TBL1XR1: variants seen among roughly 807,000 people sequenced by gnomAD.
The protein encoded by TBL1XR1 is F-box-like/WD repeat-containing protein TBL1XR1.
In TBL1XR1, 5 loss-of-function variants were observed where a neutral mutation model predicts 66.9. That is an observed-to-expected ratio of 0.07 (90% CI 0.04 to 0.16). The LOEUF (loss-of-function observed/expected upper bound fraction) is 0.16. TBL1XR1 is among the 10% of genes least tolerant of loss of function. TBL1XR1 has a pLI of 1.00. For synonymous variants in TBL1XR1, 210 were observed against 206.0 expected (o/e 1.02, Z -0.17); for missense variants, 238 against 623.2 (o/e 0.38, Z 6.58).
At chr3:177,115,353 G>A (rs1170113472) in intron 1 of TBL1XR1, among the ~76,000 whole-genome samples, 2 of 152,146 alleles carry the variant, frequency 1.3e-5, no homozygotes, top group African/African-American at 4.8e-5. Context: ...GTATTTATAA[G>A]AGAGACTGAA....
rs377584529 is a variant in TBL1XR1 at position 177,063,000 on chromosome 3, G to A, written c.58+1920C>T. 1.1e-4 allele frequency among the ~76,000 whole-genome samples: 16 copies of A among 152,050 alleles called. 1 individual carries two copies. In the East Asian group the frequency reaches 2.3e-3, roughly 22 times the overall value. ...AAATACAAAATTAGCCAGGCATGGT[G>A]GTGCATGCCTAGAATCCCAGCTACT... On this transcript the variant is annotated intron_variant, in intron 3 of 15. Transcript: ENST00000457928.
chr3:177,043,394 T>C (rs1715870831), intron 10 of TBL1XR1, among the ~76,000 whole-genome samples: 2 of 152,180 alleles, frequency 1.3e-5, no homozygotes, highest in Non-Finnish European at 2.9e-5. Flanking sequence ...ACTGTTTATC[T>C]TGTATTAATA....
Position 177,019,724 on chromosome 3 carries a change from G to C in TBL1XR1, c.*5774C>G, listed in dbSNP as rs562742306. 2 of 152,136 alleles carry C rather than the reference G, an allele frequency of 1.3e-5. No homozygotes were observed. Among genetic ancestry groups the C allele is most frequent in the African/African-American group, 4.8e-5 (2 of 41,530 alleles). 9.4% of individuals were successfully genotyped at this position (152,136 alleles called of 1,614,324 possible). ...ATTAAAAATAATCCCTTCTATTACT[G>C]TTCAAATTAGTTTCAGCTTTCCCTC... On this transcript the variant is annotated 3_prime_UTR_variant, in exon 16 of 16. Coordinates refer to ENST00000457928, the MANE Select transcript of TBL1XR1 (RefSeq NM_024665.7).
intron 2 of TBL1XR1, among the ~76,000 whole-genome samples, chr3:177,075,517 A>C (rs1410726849): frequency 6.6e-6 from 1 of 152,200 alleles, no homozygotes; most frequent in African/African-American, 2.4e-5. Context: ...TTCCCTACTA[A>C]TCAGTATAGT....
chr3:177,162,864 C>A (rs11925990), intron 1 of TBL1XR1, among the ~76,000 whole-genome samples: 75,808 of 152,052 alleles, frequency 0.5, 19,727 homozygotes, highest in Non-Finnish European at 0.57. Context: ...AAAGTAATAT[C>A]TTCACTAGCA....
rs1712853942 is a variant in TBL1XR1, at chr3:177,024,714, A to AAAAAAAAAAAAAAG, written c.*783_*784insCTTTTTTTTTTTTT. ...GCCACATCACCAAAAAACAAAAAAG[A>AAAAAAAAAAAAAAG]AAAAAAAAAAAAAAAAGCAAAACAA... is the stretch of plus-strand genomic sequence containing the variant. On this transcript the variant is annotated 3_prime_UTR_variant, in exon 16 of 16. Transcript: ENST00000457928. 1 of 76,954 alleles carries AAAAAAAAAAAAAAG rather than the reference A, an allele frequency of 1.3e-5. No individual in the cohort carries two copies. The highest frequency in any genetic ancestry group is 5.4e-5 in the African/African-American group (1 of 18,398). The allele number at this position is 76,954 out of a possible 1,614,324, so 4.8% of individuals were successfully genotyped here.
At chr3:177,163,700 T>C (rs1206360555) in intron 1 of TBL1XR1, among the ~76,000 whole-genome samples, 1 of 152,028 alleles carries the variant, frequency 6.6e-6, no homozygotes, top group Non-Finnish European at 1.5e-5. Context: ...CAAAGAAAAC[T>C]GATGACAGTG....
chr3:177,170,619 T>C (rs1733347905), intron 1 of TBL1XR1, among the ~76,000 whole-genome samples: 1 of 152,166 alleles, frequency 6.6e-6, no homozygotes, highest in Non-Finnish European at 1.5e-5. Context: ...TATTCTAAAG[T>C]CCTTGAGATC....
chr3:177,097,968 A>G (rs1183149117), intron 2 of TBL1XR1, among the ~76,000 whole-genome samples: 2 of 152,190 alleles, frequency 1.3e-5, no homozygotes, highest in Non-Finnish European at 2.9e-5. Context: ...GCACTTTGGG[A>G]AGCTCAGGTG....
chr3:177,055,730 T>C (rs976085188), intron 3 of TBL1XR1, among the ~76,000 whole-genome samples: 2 of 152,112 alleles, frequency 1.3e-5, no homozygotes, highest in East Asian at 1.9e-4. Flanking sequence ...AGCAGTGAGG[T>C]TGGAGATTCC....
Position 177,062,494 on chromosome 3 carries a change from T to C in TBL1XR1, c.58+2426A>G, listed in dbSNP as rs375623647. Among the ~76,000 whole-genome samples, 9 of 152,314 alleles carry C rather than the reference T, an allele frequency of 5.9e-5. No individual in the cohort carries two copies. In the East Asian group the frequency reaches 1.7e-3, roughly 29 times the overall value. ...ATTCTTAACATAAGCAGTTCTTAAA[T>C]TTATGGCAAGTTGCAGTCCTGGGAA... On this transcript the variant is annotated intron_variant, in intron 3 of 15. Transcript: ENST00000457928.
chr3:177,031,183 A>T (rs913808414), intron 14 of TBL1XR1, among the ~76,000 whole-genome samples: 1 of 152,328 alleles, frequency 6.6e-6, no homozygotes, highest in South Asian at 2.1e-4. Flanking sequence ...ACAAACACAA[A>T]GTTAAACTAA....
At chr3:177,052,345 T>C (rs745308931) in intron 4 of TBL1XR1, among the ~76,000 whole-genome samples, 6 of 152,130 alleles carry the variant, frequency 3.9e-5, no homozygotes, top group Non-Finnish European at 8.8e-5. Flanking sequence ...ATACAAACAG[T>C]ACAAATTAGC....
At chr3:177,044,967 G>C (rs1399135791) in intron 10 of TBL1XR1, 1 of 152,134 alleles carries the variant, frequency 6.6e-6, no homozygotes. Context: ...AAGCAAAGAT[G>C]AAAAGGAAGC....
At chr3:177,032,412 G>C (rs1714130817) in intron 14 of TBL1XR1, 1 of 152,222 alleles carries the variant, frequency 6.6e-6, no homozygotes, top group Admixed American at 6.5e-5. Flanking sequence ...CGATAACTGA[G>C]AGGGGTGAGT....
At chr3:177,159,610 T>A (rs1053293780) in intron 1 of TBL1XR1, among the ~76,000 whole-genome samples, 5 of 152,124 alleles carry the variant, frequency 3.3e-5, no homozygotes, top group African/African-American at 1.2e-4. Flanking sequence ...TAGCACCCCT[T>A]TGAAGCACTA....
intron 2 of TBL1XR1, among the ~76,000 whole-genome samples, chr3:177,087,226 T>TA (rs1722249022): frequency 8.5e-6 from 1 of 118,130 alleles, no homozygotes; most frequent in African/African-American, 3.4e-5. Context: ...ACTTTTTTAT[T>TA]TAAAAAAAAA....
chr3:177,087,217 C>T (rs1722244950), intron 2 of TBL1XR1, among the ~76,000 whole-genome samples: 1 of 120,264 alleles, frequency 8.3e-6, no homozygotes, highest in Admixed American at 8.9e-5. Context: ...TTTTTACTTA[C>T]TTTTTTATTT....
chr3:177,052,286 G>A (rs1717198753), intron 4 of TBL1XR1, among the ~76,000 whole-genome samples: 1 of 152,166 alleles, frequency 6.6e-6, no homozygotes, highest in African/African-American at 2.4e-5. Flanking sequence ...CTAATAAAGA[G>A]TTCTCCAAGT....
Sources: allele counts gnomAD v4.1 joint callset (sites outside exome capture counted in the v4.1 genomes callset), GRCh38; gene constraint gnomAD v4.1.1; transcripts MANE v1.5; gene names NCBI Gene and HGNC (gene_info 2026-07-23, HGNC 2026-07-21).